BCL11B: variants seen among roughly 807,000 people sequenced by gnomAD.
The protein encoded by BCL11B is BCL11 transcription factor B.
A neutral mutation model predicts 49.9 loss-of-function variants in BCL11B; 8 were observed. The observed-to-expected ratio is 0.16, with a 90% CI of 0.09 to 0.29. The LOEUF is 0.29. Among genes scored for constraint, BCL11B ranks in the 10% least tolerant of loss-of-function variants. The pLI, the probability that BCL11B is intolerant of heterozygous loss-of-function variation, is 1.00. For synonymous variants in BCL11B, 739 were observed against 637.4 expected (o/e 1.16, Z -2.40); for missense variants, 1,006 against 1,351.0 (o/e 0.74, Z 4.00).
At chr14:99,226,355 C>CT (rs1168631450) in intron 3 of BCL11B, among the ~76,000 whole-genome samples, 1 of 152,094 alleles carries the variant, frequency 6.6e-6, no homozygotes, top group African/African-American at 2.4e-5. Flanking sequence ...TCACACGGTT[C>CT]TTTTTTTGTC....
chr14:99,181,539 C>G (rs1886702442), intron 3 of BCL11B, among the ~76,000 whole-genome samples: 1 of 152,226 alleles, frequency 6.6e-6, no homozygotes, highest in African/African-American at 2.4e-5. Context: ...ATCGTCAGGG[C>G]CTGTTTCACA....
chr14:99,229,497 G>A (rs1337792817), intron 3 of BCL11B, among the ~76,000 whole-genome samples: 4 of 152,152 alleles, frequency 2.6e-5, no homozygotes, highest in Non-Finnish European at 5.9e-5. Flanking sequence ...CTGCCACCCT[G>A]GCTAGCCACT....
chr14:99,199,685 C>T (rs56942137), intron 3 of BCL11B, among the ~76,000 whole-genome samples: 5,554 of 58,626 alleles, frequency 0.095, 294 homozygotes, highest in African/African-American at 0.17. Flanking sequence ...TGTGTGTGTG[C>T]GCGCGCGCGC....
intron 1 of BCL11B, among the ~76,000 whole-genome samples, chr14:99,265,393 C>T (rs972609473): frequency 6.6e-6 from 1 of 152,172 alleles, no homozygotes; most frequent in Non-Finnish European, 1.5e-5. Context: ...CCTAACCAGG[C>T]AGCCAGAAGG....
intron 3 of BCL11B, among the ~76,000 whole-genome samples, chr14:99,201,301 T>G (rs1225253456): frequency 2.0e-5 from 3 of 152,208 alleles, no homozygotes; most frequent in Non-Finnish European, 4.4e-5. Flanking sequence ...TCACACACAA[T>G]TAACAGTCCA....
chr14:99,185,193 T>G (rs1222858037), intron 3 of BCL11B, among the ~76,000 whole-genome samples: 1 of 152,000 alleles, frequency 6.6e-6, no homozygotes, highest in Non-Finnish European at 1.5e-5. Flanking sequence ...TCCCAGCACT[T>G]TAGTAGGCCA....
chr14:99,224,033 C>A (rs751645319), intron 3 of BCL11B, among the ~76,000 whole-genome samples: 3 of 152,254 alleles, frequency 2.0e-5, no homozygotes, highest in Non-Finnish European at 4.4e-5. Context: ...GCAAGGACCC[C>A]GTCATGCCCA....
chr14:99,237,234 T>A (rs976668971), intron 2 of BCL11B, among the ~76,000 whole-genome samples: 3 of 146,708 alleles, frequency 2.0e-5, no homozygotes, highest in Admixed American at 6.6e-5. Flanking sequence ...TTCTTTTTTT[T>A]TCTTTTTTTT....
chr14:99,235,648 C>G (rs1888473619), intron 2 of BCL11B, among the ~76,000 whole-genome samples: 1 of 151,426 alleles, frequency 6.6e-6, no homozygotes, highest in African/African-American at 2.4e-5. Flanking sequence ...TTTCTCTCCC[C>G]CCTCTCTTTT....
rs556798622 is a variant in BCL11B, at chr14:99,209,418, G to A, written c.640+21927C>T. ...TGGGGTGTAATCCATGGAGACCACC[G>A]AGGCCATGTGAAGGAACAAGCCTGG... On this transcript the variant is annotated intron_variant, in intron 3 of 3. Transcript: ENST00000357195. Among the ~76,000 whole-genome samples the A allele has an allele frequency of 9.3e-4, 142 of 152,240 alleles. 1 individual carries two copies. The highest frequency in any genetic ancestry group is 5.9e-3 in the Admixed American group (91 of 15,310).
chr14:99,187,531 A>T (rs1212894105), intron 3 of BCL11B, among the ~76,000 whole-genome samples: 1 of 152,134 alleles, frequency 6.6e-6, no homozygotes, highest in Non-Finnish European at 1.5e-5. Context: ...GCCGCCCAAC[A>T]TGAGAGTTTT....
rs748866970 is a variant in BCL11B, at chr14:99,170,838, T to C, written c.*3313A>G. On this transcript the variant is annotated 3_prime_UTR_variant, in exon 4 of 4. Transcript: ENST00000357195. Reference sequence around the variant, plus strand: ...GGTCTCAACAGCAGGTCACTTCACCTGGACCCAGCTGAATCACCAGCTCCT... The same window carrying C: ...GGTCTCAACAGCAGGTCACTTCACCCGGACCCAGCTGAATCACCAGCTCCT... The C allele has an allele frequency of 8.2e-5, 19 of 232,804 alleles. No homozygotes were observed. The highest frequency in any genetic ancestry group is 1.2e-4 in the Non-Finnish European group (14 of 117,696). The allele number at this position is 232,804 out of a possible 1,614,324, so 14.4% of individuals were successfully genotyped here. A position where few individuals can be genotyped will look rare whatever the true frequency, so the allele number is the denominator to read the frequency against.
chr14:99,209,257 G>A (rs1887621226), intron 3 of BCL11B, among the ~76,000 whole-genome samples: 1 of 152,118 alleles, frequency 6.6e-6, no homozygotes, highest in African/African-American at 2.4e-5. Flanking sequence ...GCCATGGGCT[G>A]GGGAGGGGGT....
At chr14:99,229,925 C>T (rs912298659) in intron 3 of BCL11B, among the ~76,000 whole-genome samples, 14 of 152,146 alleles carry the variant, frequency 9.2e-5, no homozygotes, top group African/African-American at 2.9e-4. Context: ...GGACAGGAGG[C>T]CTGAGCACCT....
At position 99,174,915 on chromosome 14, in the gene BCL11B, C is replaced by T; in HGVS notation, c.1921G>A (p.Gly641Ser). ...CCGCCCGCGCCCGCGTCCCCGCAGC[C>T]GCCCGCGTCGTCGTCGTCGCCCGCG... ...GDAGDDDDAG[G>S]CGDAGAGGAV... Residue 641 changes from glycine to serine, a missense_variant, in exon 4 of 4, where the codon GGC becomes AGC. Gly to Ser is a moderately conservative substitution (Grantham distance 56). This residue lies in a region of BCL11B where 443 missense variants were observed against 499.7 expected (regional missense o/e 0.89). Coordinates refer to ENST00000357195, the MANE Select transcript of BCL11B (RefSeq NM_138576.4). The T allele has an allele frequency of 8.5e-7, 1 of 1,175,668 alleles. No homozygotes were observed. The highest frequency in any genetic ancestry group is 1.1e-6 in the Non-Finnish European group (1 of 944,936). 72.8% of individuals were successfully genotyped at this position (1,175,668 alleles called of 1,614,324 possible).
chr14:99,219,399 A>T (rs1012294940), intron 3 of BCL11B, among the ~76,000 whole-genome samples: 4 of 152,196 alleles, frequency 2.6e-5, no homozygotes, highest in Admixed American at 2.0e-4. Flanking sequence ...CAGCCCTGGG[A>T]CACCAATACA....
At chr14:99,229,736 G>A (rs567570904) in intron 3 of BCL11B, among the ~76,000 whole-genome samples, 3 of 152,108 alleles carry the variant, frequency 2.0e-5, no homozygotes, top group South Asian at 4.2e-4. Flanking sequence ...GAACTTGACC[G>A]CGTCCAGTAA....
intron 3 of BCL11B, among the ~76,000 whole-genome samples, chr14:99,199,508 G>A (rs1295332960): frequency 1.3e-5 from 2 of 152,132 alleles, no homozygotes; most frequent in Admixed American, 6.5e-5. Context: ...TTGTTTCTGA[G>A]GGACTGATTG....
rs1231565477 is a variant in BCL11B, at chr14:99,228,574, C to A, written c.640+2771G>T. On this transcript the variant is annotated intron_variant, in intron 3 of 3. Coordinates refer to ENST00000357195, the MANE Select transcript of BCL11B (RefSeq NM_138576.4). This position sits in a 1 kb window ranked among gnomAD's most constrained non-coding sequence, Gnocchi z 4.8. ...AGGAACAGGACACTGCCCTTCCTCA[C>A]GTCCCTCCCAGAGCACTGCAATCAA... 6.6e-6 allele frequency among the ~76,000 whole-genome samples: 1 copy of A among 152,226 alleles called. No individual in the cohort carries two copies. Among genetic ancestry groups the A allele is most frequent in the Non-Finnish European group, 1.5e-5 (1 of 68,048 alleles).
Sources: allele counts gnomAD v4.1 joint callset (sites outside exome capture counted in the v4.1 genomes callset), GRCh38; gene constraint gnomAD v4.1.1; regional missense constraint gnomAD v4.1.1; non-coding constraint Gnocchi (gnomAD v3.1); transcripts MANE v1.5; gene names NCBI Gene and HGNC (gene_info 2026-07-23, HGNC 2026-07-21).